SH3RF3: variants seen among roughly 807,000 people sequenced by gnomAD.
SH3RF3 encodes the protein SH3 domain containing ring finger 3, also known as E3 ubiquitin-protein ligase SH3RF3.
In SH3RF3, 29 loss-of-function variants were observed where a neutral mutation model predicts 66.3. The ratio of observed to expected loss-of-function variants is 0.44; its 90% CI spans 0.33 to 0.60. The LOEUF (loss-of-function observed/expected upper bound fraction) is 0.60, where lower values mean the gene tolerates loss of function less well. SH3RF3 is among the 20% of genes least tolerant of loss of function. The pLI is 0.04. For synonymous variants in SH3RF3, 583 were observed against 532.0 expected (o/e 1.10, Z -1.32); for missense variants, 1,194 against 1,190.9 (o/e 1.00, Z -0.04).
At chr2:109,401,206 C>A (rs1366347784) in intron 4 of SH3RF3, among the ~76,000 whole-genome samples, 1 of 152,180 alleles carries the variant, frequency 6.6e-6, no homozygotes, top group Non-Finnish European at 1.5e-5. Context: ...TAACTTTGGC[C>A]CAGAGCTGGG....
chr2:109,151,740 G>T (rs900477984), intron 1 of SH3RF3, among the ~76,000 whole-genome samples: 3 of 152,222 alleles, frequency 2.0e-5, no homozygotes, highest in East Asian at 3.8e-4. Flanking sequence ...CAGCTCTGAC[G>T]GATCAGACCA....
intron 3 of SH3RF3, among the ~76,000 whole-genome samples, chr2:109,392,142 A>T (rs1353557341): frequency 1.3e-5 from 2 of 152,224 alleles, no homozygotes; most frequent in Admixed American, 6.5e-5. Flanking sequence ...TTAAAGACCC[A>T]CATTTGAATC....
At chr2:109,466,871 ATGTT>A (rs371293460) in intron 8 of SH3RF3, among the ~76,000 whole-genome samples, 6 of 151,844 alleles carry the variant, frequency 4.0e-5, no homozygotes, top group Non-Finnish European at 5.9e-5. Flanking sequence ...ATGTGTGTAT[ATGTT>A]TGTGTGTATA....
intron 8 of SH3RF3, among the ~76,000 whole-genome samples, chr2:109,471,601 A>G (rs1252336633): frequency 6.6e-6 from 1 of 152,202 alleles, no homozygotes; most frequent in Admixed American, 6.5e-5. Context: ...GGAACAGCTC[A>G]TGTAGGCCCA....
At chr2:109,167,872 A>G (rs909979351) in intron 1 of SH3RF3, among the ~76,000 whole-genome samples, 4 of 152,198 alleles carry the variant, frequency 2.6e-5, no homozygotes, top group African/African-American at 9.6e-5. Context: ...CACCCAGCCT[A>G]GTGTCTGAAT....
intron 1 of SH3RF3, among the ~76,000 whole-genome samples, chr2:109,234,543 A>G (rs1333172783): frequency 6.6e-6 from 1 of 152,238 alleles, no homozygotes; most frequent in Non-Finnish European, 1.5e-5. Flanking sequence ...ATTGGTCAGG[A>G]TAGGCTCTGT....
chr2:109,247,737 A>G (rs889575019), intron 1 of SH3RF3, among the ~76,000 whole-genome samples: 2 of 152,228 alleles, frequency 1.3e-5, no homozygotes, highest in East Asian at 3.8e-4. Context: ...GATTTGCTGT[A>G]TAACAGAAAC....
At chr2:109,334,322 G>T (rs1217262856) in intron 1 of SH3RF3, among the ~76,000 whole-genome samples, 1 of 140,394 alleles carries the variant, frequency 7.1e-6, no homozygotes, top group African/African-American at 2.7e-5. Context: ...CACACCACTC[G>T]ACTTCAGATT....
At chr2:109,140,804 T>A (rs892834819) in intron 1 of SH3RF3, among the ~76,000 whole-genome samples, 1 of 152,238 alleles carries the variant, frequency 6.6e-6, no homozygotes, top group Non-Finnish European at 1.5e-5. Context: ...TAACATCTCC[T>A]CTGTGTCCCC....
chr2:109,301,421 C>G (rs984291313), intron 1 of SH3RF3, among the ~76,000 whole-genome samples: 1 of 151,964 alleles, frequency 6.6e-6, no homozygotes, highest in East Asian at 1.9e-4. Context: ...ATGTAGTCTC[C>G]CCTGCATTCC....
chr2:109,245,937 C>CA lies in SH3RF3; in HGVS notation c.574-101728dup, dbSNP rs200777867. On this transcript the variant is annotated intron_variant, in intron 1 of 9. Transcript: ENST00000309415. Reference sequence around the variant, plus strand: ...GGTCTCAGGAAATCCTTTGAGGGAACAAAAAAAAATTACTGCTATAATGAA... The same window carrying CA: ...GGTCTCAGGAAATCCTTTGAGGGAACAAAAAAAAAATTACTGCTATAATGAA... 7.4e-3 allele frequency among the ~76,000 whole-genome samples: 1,122 copies of CA among 150,858 alleles called. 8 individuals carry two copies. Among genetic ancestry groups the CA allele is most frequent in the South Asian group, 0.023 (111 of 4,784 alleles).
At chr2:109,396,178 A>G (rs1045108659) in intron 3 of SH3RF3, among the ~76,000 whole-genome samples, 15 of 152,166 alleles carry the variant, frequency 9.9e-5, no homozygotes, top group East Asian at 7.7e-4. Flanking sequence ...GCTGGCTCCC[A>G]GGTATTTGGA....
At position 109,335,722 on chromosome 2, in the gene SH3RF3, C is replaced by T. The variant is rs142158916; in HGVS notation, c.574-11952C>T. Among the ~76,000 whole-genome samples, 56 of 152,338 alleles carry T rather than the reference C, an allele frequency of 3.7e-4. 2 individuals are homozygous for T. In the South Asian group the frequency reaches 8.5e-3, roughly 23 times the overall value. The stretch of plus-strand genomic sequence containing the variant: ...GTGTTTTGTTCACTCCCAAACCCCA[C>T]GCCAGAACCGCACCCCACAAGTAAC... On this transcript the variant is annotated intron_variant, in intron 1 of 9. Coordinates refer to ENST00000309415, the MANE Select transcript of SH3RF3 (RefSeq NM_001099289.3).
chr2:109,357,348 A>G (rs1362175181), intron 2 of SH3RF3, among the ~76,000 whole-genome samples: 1 of 152,034 alleles, frequency 6.6e-6, no homozygotes, highest in Non-Finnish European at 1.5e-5. Context: ...TGCCCGGATA[A>G]TTTTGTGTAT....
At chr2:109,219,363 C>T (rs370152660) in intron 1 of SH3RF3, among the ~76,000 whole-genome samples, 2 of 152,018 alleles carry the variant, frequency 1.3e-5, no homozygotes, top group African/African-American at 4.8e-5. Context: ...AAATTTTCAC[C>T]ATCACTTAAT....
At chr2:109,184,815 C>T (rs1265090805) in intron 1 of SH3RF3, among the ~76,000 whole-genome samples, 1 of 152,164 alleles carries the variant, frequency 6.6e-6, no homozygotes, top group Non-Finnish European at 1.5e-5. Flanking sequence ...TTTGCCAAGC[C>T]CAATGAGGCA....
rs551133908 is a variant in SH3RF3, at chr2:109,296,868, T to C, written c.574-50806T>C. On this transcript the variant is annotated intron_variant, in intron 1 of 9. Transcript: ENST00000309415. ...GCGTCTCACCTCCTGACAGCACTGC[T>C]ATAGCATTGCCAGATGTTATTTTGA... Among the ~76,000 whole-genome samples the C allele has an allele frequency of 3.9e-4, 60 of 152,312 alleles. 1 individual carries two copies. In the South Asian group the frequency reaches 0.012, roughly 31 times the overall value.
intron 1 of SH3RF3, among the ~76,000 whole-genome samples, chr2:109,152,654 A>G (rs1677250393): frequency 6.6e-6 from 1 of 152,218 alleles, no homozygotes; most frequent in South Asian, 2.1e-4. Flanking sequence ...TTATTTAATA[A>G]AGAGTAAGCA....
At chr2:109,277,594 C>A (rs1027552418) in intron 1 of SH3RF3, among the ~76,000 whole-genome samples, 2 of 152,204 alleles carry the variant, frequency 1.3e-5, no homozygotes, top group Non-Finnish European at 2.9e-5. Context: ...ATCTATCACC[C>A]TGCACTCCTC....
Sources: gnomAD v4.1 joint callset for allele counts (sites outside exome capture counted in the v4.1 genomes callset) on GRCh38, gnomAD v4.1.1 for gene constraint, MANE v1.5 for transcripts, NCBI Gene and HGNC (gene_info 2026-07-23, HGNC 2026-07-21) for gene names.